MCU: variants seen among roughly 807,000 people sequenced by gnomAD.
MCU encodes mitochondrial calcium uniporter.
MCU carries 12 observed loss-of-function variants against 45.2 expected under a neutral mutation model. The observed-to-expected ratio is 0.27, with a 90% CI of 0.17 to 0.43. The LOEUF (loss-of-function observed/expected upper bound fraction) is 0.43, where lower values mean the gene tolerates loss of function less well. Ranked by LOEUF, MCU falls within the 20% of genes least tolerant of loss-of-function variation. The pLI is 1.00. For missense variants in MCU, 324 were observed against 436.7 expected (o/e 0.74, Z 2.30); for synonymous variants, 160 against 165.1 (o/e 0.97, Z 0.24).
At chr10:72,797,326 C>T (rs1392996352) in intron 1 of MCU, among the ~76,000 whole-genome samples, 4 of 150,528 alleles carry the variant, frequency 2.7e-5, no homozygotes, top group African/African-American at 9.8e-5. Flanking sequence ...TGGGTTCAAG[C>T]GATTCTCCTG....
intron 2 of MCU, among the ~76,000 whole-genome samples, chr10:72,844,869 A>C (rs1845097484): frequency 6.6e-6 from 1 of 152,182 alleles, no homozygotes. Context: ...ATAAATGCAG[A>C]GTTATACCAT....
intron 1 of MCU, among the ~76,000 whole-genome samples, chr10:72,746,223 G>C (rs1843413297): frequency 6.6e-6 from 1 of 152,100 alleles, no homozygotes; most frequent in Non-Finnish European, 1.5e-5. Context: ...AGCCACACTG[G>C]CGTTGCAGTA....
In MCU at chr10:72,834,422, T is replaced by C. The variant is rs780415370; in HGVS notation, c.214T>C (p.Ser72Pro). 7.9e-5 allele frequency: 127 copies of C among 1,612,626 alleles called. No homozygotes were observed. In the East Asian group the frequency reaches 2.8e-3, roughly 35 times the overall value. ...GAVYCSTVVP[S>P]DDVTVVYQNG... ...TGTTTATTGCAGCACTGTTGTGCCC[T>C]CTGATGGTGAGTTTCAGCAAATCCA... Residue 72 changes from serine (S) to proline (P), a missense_variant, in exon 2 of 8, where the codon TCT (serine) becomes CCT (proline). Physicochemically the swap from Ser to Pro is moderately conservative, Grantham distance 74 (BLOSUM62 -1). Around this residue, in one of 4 missense-constraint regions of MCU, gnomAD observed 111 missense variants for 112.3 expected, o/e 0.99. Transcript: ENST00000373053.
At chr10:72,728,933 A>G (rs745823500) in intron 1 of MCU, among the ~76,000 whole-genome samples, 4 of 152,136 alleles carry the variant, frequency 2.6e-5, no homozygotes, top group Non-Finnish European at 5.9e-5. Context: ...TACTAGAAAG[A>G]CTATGTTTCC....
chr10:72,854,496 A>G (rs1412190272), intron 2 of MCU, among the ~76,000 whole-genome samples: 1 of 152,232 alleles, frequency 6.6e-6, no homozygotes, highest in African/African-American at 2.4e-5. Context: ...GAAGAATGCA[A>G]GCAGGGGGAA....
At chr10:72,797,252 C>A (rs1844264127) in intron 1 of MCU, among the ~76,000 whole-genome samples, 1 of 144,526 alleles carries the variant, frequency 6.9e-6, no homozygotes, top group African/African-American at 2.6e-5. Context: ...AAGACGGGAT[C>A]TCACTCTGTC....
chr10:72,793,654 C>G (rs1293537199), intron 1 of MCU, among the ~76,000 whole-genome samples: 1 of 152,022 alleles, frequency 6.6e-6, no homozygotes, highest in African/African-American at 2.4e-5. Context: ...TCACACAGAT[C>G]TAACCGAGGC....
At chr10:72,793,360 A>G (rs962005033) in intron 1 of MCU, among the ~76,000 whole-genome samples, 5 of 152,168 alleles carry the variant, frequency 3.3e-5, no homozygotes, top group African/African-American at 1.2e-4. Context: ...AAATGGAGGA[A>G]CTATTAAAAT....
intron 1 of MCU, chr10:72,693,008 G>A (rs1474856296): frequency 4.6e-6 from 7 of 1,536,042 alleles, no homozygotes; most frequent in South Asian, 2.4e-5. Flanking sequence ...CTGTATAAGC[G>A]TGTTCACGCG....
chr10:72,805,157 T>TTCTTTCTTTCTTTCTG (rs1564562326), intron 1 of MCU, among the ~76,000 whole-genome samples: 4 of 137,914 alleles, frequency 2.9e-5, no homozygotes, highest in Non-Finnish European at 4.6e-5. Flanking sequence ...CTTTCTTTCT[T>TTCTTTCTTTCTTTCTG]TCTGTCTCTC....
intron 1 of MCU, among the ~76,000 whole-genome samples, chr10:72,755,895 G>C (rs957346718): frequency 6.6e-6 from 1 of 150,964 alleles, no homozygotes; most frequent in Admixed American, 6.6e-5. Context: ...CAGGCTTAGA[G>C]TGCAGTGATA....
At chr10:72,735,718 G>A (rs1048183560) in intron 1 of MCU, among the ~76,000 whole-genome samples, 1 of 152,170 alleles carries the variant, frequency 6.6e-6, no homozygotes, top group Admixed American at 6.5e-5. Flanking sequence ...CACAAGATTT[G>A]TTCAAGCAGA....
chr10:72,862,927 A>G (rs1358115102), intron 4 of MCU, among the ~76,000 whole-genome samples: 1 of 152,102 alleles, frequency 6.6e-6, no homozygotes, highest in Admixed American at 6.6e-5. Flanking sequence ...AGAAAAAAAA[A>G]AAAGAAAGAA....
At chr10:72,737,645 A>T (rs3009548) in intron 1 of MCU, among the ~76,000 whole-genome samples, 1 of 151,406 alleles carries the variant, frequency 6.6e-6, no homozygotes, top group East Asian at 1.9e-4. Context: ...TCAGCCTCCC[A>T]AGTAGCTGGG....
intron 2 of MCU, among the ~76,000 whole-genome samples, chr10:72,848,703 A>ATT (rs1223449229): frequency 1.3e-5 from 2 of 149,652 alleles, no homozygotes; most frequent in Admixed American, 1.3e-4. Flanking sequence ...AGTACTAAAT[A>ATT]TTGTGTATTG....
intron 1 of MCU, among the ~76,000 whole-genome samples, chr10:72,695,066 G>A (rs899594421): frequency 6.6e-6 from 1 of 152,102 alleles, no homozygotes; most frequent in Admixed American, 6.6e-5. Context: ...TTTCTGTATG[G>A]TTAGTGAAGG....
intron 2 of MCU, among the ~76,000 whole-genome samples, chr10:72,853,082 CA>C (rs1845231892): frequency 6.6e-6 from 1 of 152,124 alleles, no homozygotes; most frequent in South Asian, 2.1e-4. Flanking sequence ...CAAGATCCAG[CA>C]CTCAACAATG....
chr10:72,805,147 C>T (rs1589470192), intron 1 of MCU, among the ~76,000 whole-genome samples: 1 of 139,890 alleles, frequency 7.1e-6, no homozygotes, highest in Admixed American at 7.2e-5. Context: ...TTCTTTCTTT[C>T]TTTCTTTCTT....
intron 1 of MCU, among the ~76,000 whole-genome samples, chr10:72,741,513 G>A (rs940035273): frequency 6.6e-6 from 1 of 152,202 alleles, no homozygotes; most frequent in East Asian, 1.9e-4. Flanking sequence ...AACATAGAGA[G>A]ACAGTCTTCT....
Sources: gnomAD v4.1 joint callset for allele counts (sites outside exome capture counted in the v4.1 genomes callset) on GRCh38, gnomAD v4.1.1 for gene constraint, gnomAD v4.1.1 regional missense constraint, MANE v1.5 for transcripts, NCBI Gene and HGNC (gene_info 2026-07-23, HGNC 2026-07-21) for gene names.